Variants in NSMCE2 observed in about 807,000 individuals in gnomAD.
NSMCE2 encodes NSE2 SUMO ligase component of SMC5/6 complex.
NSMCE2 carries 24 observed loss-of-function variants against 23.8 expected under a neutral mutation model. The observed-to-expected ratio is 1.01, with a 90% CI of 0.73 to 1.42. NSMCE2 has a LOEUF of 1.42. Ranked by LOEUF, NSMCE2 falls within the 40% of genes most tolerant of loss-of-function variation. The pLI is 0.00. For synonymous variants in NSMCE2, 92 were observed against 94.1 expected, an observed-to-expected ratio of 0.98 and a Z score of 0.13; for missense variants, 284 against 296.5, an observed-to-expected ratio of 0.96 and a Z score of 0.31.
intron 5 of NSMCE2, among the ~76,000 whole-genome samples, chr8:125,190,942 C>T (rs1200614523): frequency 1.3e-5 from 2 of 152,168 alleles, no homozygotes; most frequent in African/African-American, 4.8e-5. Flanking sequence ...ATGATCTCGG[C>T]TCACTGCAAC....
intron 5 of NSMCE2, among the ~76,000 whole-genome samples, chr8:125,231,510 G>C (rs1825321849): frequency 6.6e-6 from 1 of 152,136 alleles, no homozygotes; most frequent in African/African-American, 2.4e-5. Flanking sequence ...CAGAGTTTGT[G>C]TTTCCTTTTG....
chr8:125,103,260 C>T (rs1407449894), intron 3 of NSMCE2, among the ~76,000 whole-genome samples: 4 of 151,172 alleles, frequency 2.6e-5, no homozygotes, highest in African/African-American at 7.3e-5. Flanking sequence ...GAGTCGAGAC[C>T]GAGCCACTGC....
At chr8:125,171,750 A>G (rs10109574) in intron 4 of NSMCE2, among the ~76,000 whole-genome samples, 11,638 of 152,266 alleles carry the variant, frequency 0.076, 552 homozygotes, top group Middle Eastern at 0.28. Flanking sequence ...TAAGAATACC[A>G]GTAATAATAA....
chr8:125,168,712 C>T (rs1042333893), intron 4 of NSMCE2, among the ~76,000 whole-genome samples: 5 of 152,220 alleles, frequency 3.3e-5, no homozygotes, highest in Non-Finnish European at 5.9e-5. Context: ...CTAATACCAT[C>T]ACCTTAAGGG....
intron 5 of NSMCE2, among the ~76,000 whole-genome samples, chr8:125,224,686 C>T (rs899974163): frequency 3.9e-5 from 6 of 152,130 alleles, no homozygotes; most frequent in African/African-American, 1.2e-4. Context: ...TAACTAATAT[C>T]GACTGTTGAC....
intron 5 of NSMCE2, among the ~76,000 whole-genome samples, chr8:125,308,183 A>G (rs1828835433): frequency 6.6e-6 from 1 of 152,128 alleles, no homozygotes; most frequent in African/African-American, 2.4e-5. Context: ...TCTCTACAGT[A>G]TAATCCCAAA....
intron 5 of NSMCE2, among the ~76,000 whole-genome samples, chr8:125,339,911 C>T (rs1775132857): frequency 6.6e-6 from 1 of 151,872 alleles, no homozygotes. Flanking sequence ...TTGCATGAGT[C>T]ATACCTTGGG....
At chr8:125,136,452 A>C (rs1294235280) in intron 3 of NSMCE2, among the ~76,000 whole-genome samples, 1 of 152,116 alleles carries the variant, frequency 6.6e-6, no homozygotes, top group East Asian at 1.9e-4. Context: ...GTCTAAGATG[A>C]CTTTATGTTT....
At chr8:125,102,838 G>T (rs1158683310) in intron 3 of NSMCE2, among the ~76,000 whole-genome samples, 2 of 152,068 alleles carry the variant, frequency 1.3e-5, no homozygotes, top group Non-Finnish European at 2.9e-5. Context: ...TTTATACTTT[G>T]GTCATACTTG....
At chr8:125,124,733 C>T (rs1156827080) in intron 3 of NSMCE2, among the ~76,000 whole-genome samples, 1 of 152,152 alleles carries the variant, frequency 6.6e-6, no homozygotes, top group Non-Finnish European at 1.5e-5. Flanking sequence ...CTGCCTTGGC[C>T]TCCCAAAGTA....
intron 5 of NSMCE2, among the ~76,000 whole-genome samples, chr8:125,273,920 A>C (rs1484124031): frequency 1.3e-5 from 2 of 152,322 alleles, no homozygotes; most frequent in East Asian, 1.9e-4. Context: ...TGGGACCTGG[A>C]GCTAGCAGGT....
At chr8:125,295,525 A>G (rs866255651) in intron 5 of NSMCE2, among the ~76,000 whole-genome samples, 2 of 152,368 alleles carry the variant, frequency 1.3e-5, no homozygotes, top group Middle Eastern at 6.8e-3. Context: ...AATAACACAC[A>G]GGTCGGAATT....
In NSMCE2 at chr8:125,296,522, G is replaced by A. The variant is rs183489703; in HGVS notation, c.419-60697G>A. Among the ~76,000 whole-genome samples the A allele has an allele frequency of 8.8e-3, 1,322 of 150,646 alleles. 10 individuals carry two copies. The highest frequency in any genetic ancestry group is 0.015 in the Non-Finnish European group (989 of 67,854). ...TGATTCTCCTGCCTCAGCCTCCCTA[G>A]TAGCTGGGATTACAGGCATGCACCA... On this transcript the variant is annotated intron_variant, in intron 5 of 7. Coordinates refer to ENST00000287437, the MANE Select transcript of NSMCE2 (RefSeq NM_173685.4).
At chr8:125,242,098 A>G (rs1825785653) in intron 5 of NSMCE2, among the ~76,000 whole-genome samples, 1 of 150,920 alleles carries the variant, frequency 6.6e-6, no homozygotes. Flanking sequence ...CTATGTAAAC[A>G]ATAACTGGGG....
intron 5 of NSMCE2, among the ~76,000 whole-genome samples, chr8:125,214,399 A>G (rs1386742495): frequency 1.3e-5 from 2 of 152,194 alleles, no homozygotes; most frequent in Non-Finnish European, 2.9e-5. Context: ...ATCCATGAGC[A>G]TTAAAGGAAT....
chr8:125,157,420 G>A (rs1470963978), intron 4 of NSMCE2, among the ~76,000 whole-genome samples: 1 of 152,166 alleles, frequency 6.6e-6, no homozygotes, highest in East Asian at 1.9e-4. Flanking sequence ...CTCAGGTGTG[G>A]AAATTAACCA....
intron 3 of NSMCE2, among the ~76,000 whole-genome samples, chr8:125,146,884 C>A (rs1820707513): frequency 6.6e-6 from 1 of 151,840 alleles, no homozygotes; most frequent in Non-Finnish European, 1.5e-5. Context: ...TACCCTAAAA[C>A]TTAAAGTATA....
At chr8:125,326,938 A>C (rs541265465) in intron 5 of NSMCE2, among the ~76,000 whole-genome samples, 1 of 144,932 alleles carries the variant, frequency 6.9e-6, no homozygotes, top group Non-Finnish European at 1.5e-5. Flanking sequence ...CCTGGGTGAC[A>C]TGAGCAAAAC....
At chr8:125,164,621 C>T (rs146621432) in intron 4 of NSMCE2, among the ~76,000 whole-genome samples, 11 of 151,952 alleles carry the variant, frequency 7.2e-5, no homozygotes, top group East Asian at 1.9e-4. Context: ...TTATATGTAA[C>T]GGTTATATTA....
Sources: gnomAD v4.1 joint callset for allele counts (sites outside exome capture counted in the v4.1 genomes callset) on GRCh38, gnomAD v4.1.1 for gene constraint, MANE v1.5 for transcripts, NCBI Gene and HGNC (gene_info 2026-07-23, HGNC 2026-07-21) for gene names.